NRG1: variants seen among roughly 807,000 people sequenced by gnomAD.
NRG1 encodes pro-neuregulin-1, membrane-bound isoform.
In NRG1, 18 loss-of-function variants were observed where a neutral mutation model predicts 63.8. The ratio of observed to expected loss-of-function variants is 0.28; its 90% CI spans 0.19 to 0.42. The LOEUF is 0.42. Among genes scored for constraint, NRG1 ranks in the 10% least tolerant of loss-of-function variants. The probability of loss-of-function intolerance (pLI) is 1.00; values close to 1 mark genes in which losing one functional copy is unlikely to be tolerated. For synonymous variants in NRG1, 302 were observed against 301.3 expected (o/e 1.00, Z -0.02); for missense variants, 762 against 814.7 (o/e 0.94, Z 0.79).
chr8:32,416,713 G>T (rs1213292774), intron 1 of NRG1, among the ~76,000 whole-genome samples: 1 of 151,936 alleles, frequency 6.6e-6, no homozygotes, highest in Non-Finnish European at 1.5e-5. Flanking sequence ...TTTGAGACAG[G>T]GTCTGGCTGT....
At chr8:32,452,474 G>A (rs1393019693) in intron 1 of NRG1, among the ~76,000 whole-genome samples, 1 of 152,274 alleles carries the variant, frequency 6.6e-6, no homozygotes, top group Non-Finnish European at 1.5e-5. Context: ...GGAATTTCTT[G>A]GCCAAAGGAT....
intron 1 of NRG1, among the ~76,000 whole-genome samples, chr8:31,881,253 G>C (rs955693477): frequency 6.6e-6 from 1 of 152,060 alleles, no homozygotes; most frequent in African/African-American, 2.4e-5. Flanking sequence ...GTCACATTTT[G>C]GTAATTCTGA....
At chr8:32,442,411 G>C (rs1819665705) in intron 1 of NRG1, 1 of 152,180 alleles carries the variant, frequency 6.6e-6, no homozygotes, top group Admixed American at 6.6e-5. Flanking sequence ...CATTTGGAAA[G>C]GCTTCATGAC....
At chr8:32,310,307 A>C (rs901138308) in intron 1 of NRG1, among the ~76,000 whole-genome samples, 1 of 152,198 alleles carries the variant, frequency 6.6e-6, no homozygotes, top group African/African-American at 2.4e-5. Context: ...TCATGGGCTG[A>C]TTCTTTCTCA....
chr8:32,723,053 T>A (rs1375614100), intron 5 of NRG1, among the ~76,000 whole-genome samples: 2 of 152,230 alleles, frequency 1.3e-5, no homozygotes, highest in Non-Finnish European at 2.9e-5. Flanking sequence ...TACTTTTGTT[T>A]GCTCAATATT....
chr8:32,404,585 C>CT (rs35437908), intron 1 of NRG1, among the ~76,000 whole-genome samples: 8,214 of 116,858 alleles, frequency 0.07, 861 homozygotes, highest in East Asian at 0.56. Flanking sequence ...TCTTCTTCAT[C>CT]TTTTTTTTTT....
chr8:31,659,748 C>A lies in NRG1; in HGVS notation c.37+20317C>A, dbSNP rs117840549. Reference sequence around the variant, plus strand: ...GAAAGATTTCTTGTCTTGCTGCATGCTCTGTGGAACCAGGCTGAGAGCAGG... The same window carrying A: ...GAAAGATTTCTTGTCTTGCTGCATGATCTGTGGAACCAGGCTGAGAGCAGG... On this transcript the variant is annotated intron_variant, in intron 1 of 10. Transcript: ENST00000519301. Among the ~76,000 whole-genome samples, 152 of 152,300 alleles carry A rather than the reference C, an allele frequency of 1.0e-3. 4 individuals are homozygous for A. In the East Asian group the frequency reaches 0.018, roughly 18 times the overall value.
intron 1 of NRG1, among the ~76,000 whole-genome samples, chr8:32,401,071 C>G (rs537740436): frequency 1.3e-5 from 2 of 151,984 alleles, no homozygotes; most frequent in Non-Finnish European, 2.9e-5. Context: ...TATTCTCACT[C>G]ATAAGTGGGA....
intron 1 of NRG1, among the ~76,000 whole-genome samples, chr8:32,308,693 A>G (rs756677768): frequency 7.2e-5 from 11 of 152,132 alleles, no homozygotes; most frequent in Non-Finnish European, 1.5e-4. Flanking sequence ...CACCACAAAA[A>G]TGTGTCCCCG....
chr8:32,291,513 C>A (rs7012763), intron 1 of NRG1, among the ~76,000 whole-genome samples: 3,732 of 146,746 alleles, frequency 0.025, 139 homozygotes, highest in African/African-American at 0.087. Flanking sequence ...GTAAAAAGTC[C>A]TTGTACAAAT....
chr8:32,386,352 T>C (rs1418026682), intron 1 of NRG1, among the ~76,000 whole-genome samples: 3 of 152,198 alleles, frequency 2.0e-5, no homozygotes, highest in Admixed American at 2.0e-4. Context: ...GAGCTAAGAG[T>C]TAGACGACCC....
Position 32,643,473 on chromosome 8 carries a change from C to T in NRG1, c.502+26588C>T, listed in dbSNP as rs145566678. ...TTGGTGCACCATTTCACAGTGCCGGCTGGCATCTAGCAGCAGCTGCCGGTC... is the reference window on the plus strand; with the variant it reads ...TTGGTGCACCATTTCACAGTGCCGGTTGGCATCTAGCAGCAGCTGCCGGTC... On this transcript the variant is annotated intron_variant, in intron 5 of 11. Coordinates refer to ENST00000356819, the Ensembl canonical transcript of NRG1. 4.6e-5 allele frequency among the ~76,000 whole-genome samples: 7 copies of T among 152,316 alleles called. No individual in the cohort carries two copies. The East Asian group carries it at 1.4e-3, about 29-fold the overall frequency.
chr8:32,483,566 T>C (rs1825554597), intron 1 of NRG1, among the ~76,000 whole-genome samples: 1 of 152,238 alleles, frequency 6.6e-6, no homozygotes, highest in Non-Finnish European at 1.5e-5. Context: ...AGTCCATTTG[T>C]CACTTGATAA....
At chr8:31,949,143 T>C (rs1458332962) in intron 1 of NRG1, among the ~76,000 whole-genome samples, 1 of 152,226 alleles carries the variant, frequency 6.6e-6, no homozygotes, top group Non-Finnish European at 1.5e-5. Context: ...TTTGAGTAGT[T>C]ACTGTGTCAG....
intron 1 of NRG1, among the ~76,000 whole-genome samples, chr8:32,257,705 T>C (rs960356041): frequency 6.6e-6 from 1 of 152,182 alleles, no homozygotes; most frequent in East Asian, 1.9e-4. Flanking sequence ...GAAGTGATAA[T>C]TCACATCTGG....
chr8:32,369,015 C>G (rs1427435460), intron 1 of NRG1, among the ~76,000 whole-genome samples: 2 of 152,200 alleles, frequency 1.3e-5, no homozygotes, highest in African/African-American at 4.8e-5. Flanking sequence ...TGCATGCTAA[C>G]ATTTTCTACC....
rs1186045801 is a variant in NRG1 at position 32,626,881 on chromosome 8, C to A, written c.502+9996C>A. Among the ~76,000 whole-genome samples, 3 of 151,560 alleles carry A rather than the reference C, an allele frequency of 2.0e-5. No homozygotes were observed. The East Asian group carries it at 5.9e-4, about 30-fold the overall frequency. On this transcript the variant is annotated intron_variant, in intron 5 of 11. Transcript: ENST00000356819. Reference sequence around the variant, plus strand: ...ACTAAAAATACAAAAATTAGCCAGGCATGGAGGCACATGTCTGTAATCCCA... The same window carrying A: ...ACTAAAAATACAAAAATTAGCCAGGAATGGAGGCACATGTCTGTAATCCCA...
At chr8:31,751,828 A>G (rs1016118075) in intron 1 of NRG1, among the ~76,000 whole-genome samples, 7 of 151,996 alleles carry the variant, frequency 4.6e-5, no homozygotes, top group African/African-American at 1.7e-4. Context: ...TTAAGGTGAC[A>G]TAGAACTCTG....
At chr8:32,256,448 T>C (rs1433414644) in intron 1 of NRG1, 1 of 152,342 alleles carries the variant, frequency 6.6e-6, no homozygotes, top group Non-Finnish European at 1.5e-5. Context: ...GCCTCTCTAC[T>C]GCAGGTCTGC....
Sources: gnomAD v4.1 joint callset for allele counts (sites outside exome capture counted in the v4.1 genomes callset) on GRCh38, gnomAD v4.1.1 for gene constraint, MANE v1.5 for transcripts, NCBI Gene and HGNC (gene_info 2026-07-23, HGNC 2026-07-21) for gene names.